The following KIAA1958 variants were observed in gnomAD, a reference collection of about 807,000 sequenced individuals.
KIAA1958 encodes the protein KIAA1958.
In KIAA1958, 14 loss-of-function variants were observed where a neutral mutation model predicts 47.2. That is an observed-to-expected ratio of 0.30 (90% CI 0.20 to 0.46). The LOEUF is 0.46. Among genes scored for constraint, KIAA1958 ranks in the 20% least tolerant of loss-of-function variants. The pLI, the probability that KIAA1958 is intolerant of heterozygous loss-of-function variation, is 1.00. For missense variants in KIAA1958, 803 were observed against 909.2 expected, an observed-to-expected ratio of 0.88 and a Z score of 1.50; for synonymous variants, 354 against 353.3, an observed-to-expected ratio of 1.00 and a Z score of -0.02.
intron 3 of KIAA1958, among the ~76,000 whole-genome samples, chr9:112,655,453 C>T (rs1419265712): frequency 6.6e-6 from 1 of 152,154 alleles, no homozygotes; most frequent in Non-Finnish European, 1.5e-5. Flanking sequence ...TTTTTACGTT[C>T]TACAATAATC....
chr9:112,645,515 CA>C, intron 2 of KIAA1958, 134 bp from the exon 3 acceptor site: 1 of 603,586 alleles, frequency 1.7e-6, no homozygotes, highest in South Asian at 2.1e-5. Context: ...TATAGATATA[CA>C]TATACTTTAA....
At chr9:112,591,283 A>G (rs1384400859) in intron 2 of KIAA1958, among the ~76,000 whole-genome samples, 1 of 151,812 alleles carries the variant, frequency 6.6e-6, no homozygotes, top group Non-Finnish European at 1.5e-5. Context: ...ACGGAGTTTC[A>G]CTGTATTAGC....
intron 3 of KIAA1958, among the ~76,000 whole-genome samples, chr9:112,646,377 T>C (rs1259819240): frequency 6.6e-6 from 1 of 152,160 alleles, no homozygotes; most frequent in Non-Finnish European, 1.5e-5. Flanking sequence ...AAAGGGACTA[T>C]TGTAGTAGGG....
rs750967433 is a variant in KIAA1958, at chr9:112,537,063, T to TCCTCC, written c.-24-36974_-24-36970dup. ...AAGACACAAAGTGGGACAAGGTATT[T>TCCTCC]CCTCCCCTCCCCTCCCCTCCCCTCT... On this transcript the variant is annotated intron_variant, in intron 1 of 3. Transcript: ENST00000337530. Among the ~76,000 whole-genome samples the TCCTCC allele has an allele frequency of 4.2e-3, 633 of 151,384 alleles. 3 individuals are homozygous for TCCTCC. Among genetic ancestry groups the TCCTCC allele is most frequent in the African/African-American group, 0.014 (583 of 41,168 alleles).
chr9:112,654,007 G>C (rs894481409), intron 3 of KIAA1958, among the ~76,000 whole-genome samples: 1 of 152,154 alleles, frequency 6.6e-6, no homozygotes, highest in Non-Finnish European at 1.5e-5. Flanking sequence ...AATAAGTCAC[G>C]TGGCTAGCCC....
At chr9:112,605,701 C>T (rs1172591248) in intron 2 of KIAA1958, among the ~76,000 whole-genome samples, 1 of 152,194 alleles carries the variant, frequency 6.6e-6, no homozygotes, top group African/African-American at 2.4e-5. Flanking sequence ...ACTCCAGGCA[C>T]AGTGATACTC....
intron 1 of KIAA1958, among the ~76,000 whole-genome samples, chr9:112,563,973 A>G (rs926758990): frequency 4.6e-5 from 7 of 152,106 alleles, no homozygotes; most frequent in South Asian, 2.1e-4. Context: ...TTCTGCATCT[A>G]TTGAAATAAT....
At chr9:112,525,984 C>CTTCTTCTTCTTCTTCTT (rs1564159532) in intron 1 of KIAA1958, among the ~76,000 whole-genome samples, 1 of 1,734 alleles carries the variant, frequency 5.8e-4, no homozygotes, top group Non-Finnish European at 9.3e-4. Flanking sequence ...TCTTCTTCTT[C>CTTCTTCTTCTTCTTCTT]TTCTTCTTCT....
chr9:112,496,075 G>A (rs944859813), intron 1 of KIAA1958, among the ~76,000 whole-genome samples: 5 of 152,172 alleles, frequency 3.3e-5, no homozygotes, highest in African/African-American at 1.2e-4. Flanking sequence ...GGTAAAGCCA[G>A]AGGAGGAACT....
At chr9:112,657,613 T>C (rs146463486) in intron 3 of KIAA1958, among the ~76,000 whole-genome samples, 86 of 152,320 alleles carry the variant, frequency 5.6e-4, no homozygotes, top group African/African-American at 1.9e-3. Context: ...AATTAAGGGC[T>C]ATTAGAAGAA....
chr9:112,565,899 ATTATTTAT>A (rs890584393), intron 1 of KIAA1958, among the ~76,000 whole-genome samples: 2 of 151,994 alleles, frequency 1.3e-5, no homozygotes, highest in African/African-American at 4.8e-5. Context: ...CTACCTTTTG[ATTATTTAT>A]TTATTTATTT....
intron 1 of KIAA1958, among the ~76,000 whole-genome samples, chr9:112,532,461 C>T (rs912352438): frequency 1.3e-5 from 2 of 152,088 alleles, no homozygotes; most frequent in African/African-American, 4.8e-5. Context: ...TGGCCAGTGC[C>T]CTGCCTCTTT....
At chr9:112,492,857 C>T (rs1220493644) in intron 1 of KIAA1958, among the ~76,000 whole-genome samples, 2 of 151,660 alleles carry the variant, frequency 1.3e-5, no homozygotes, top group African/African-American at 4.9e-5. Flanking sequence ...TCAAGCAGTC[C>T]TCTCACCTCA....
At position 112,511,751 on chromosome 9, in the gene KIAA1958, A is replaced by T. The variant is rs192250089; in HGVS notation, c.-25+24633A>T. ...AGCTGGTTCTTTGAGAAGCTTAATT[A>T]AAAAAATTTTAAAAATAGAAATATC... On this transcript the variant is annotated intron_variant, in intron 1 of 3. Transcript: ENST00000337530. Among the ~76,000 whole-genome samples the T allele has an allele frequency of 7.2e-5, 11 of 152,330 alleles. No individual in the cohort carries two copies. The East Asian group carries it at 1.3e-3, about 19-fold the overall frequency.
chr9:112,560,385 A>T (rs1211535779), intron 1 of KIAA1958, among the ~76,000 whole-genome samples: 2 of 151,684 alleles, frequency 1.3e-5, no homozygotes, highest in Non-Finnish European at 2.9e-5. Context: ...AATGTTTTAT[A>T]GAGAAAGGGT....
At chr9:112,583,684 C>T (rs1249647311) in intron 2 of KIAA1958, among the ~76,000 whole-genome samples, 1 of 152,038 alleles carries the variant, frequency 6.6e-6, no homozygotes, top group Non-Finnish European at 1.5e-5. Context: ...GACAAAGTTG[C>T]AGAATATTAT....
At chr9:112,649,483 A>C (rs1837025851) in intron 3 of KIAA1958, among the ~76,000 whole-genome samples, 1 of 152,172 alleles carries the variant, frequency 6.6e-6, no homozygotes, top group Admixed American at 6.5e-5. Flanking sequence ...AATAATCAGA[A>C]CATTACTGAC....
chr9:112,589,603 A>G (rs1238724862), intron 2 of KIAA1958, among the ~76,000 whole-genome samples: 1 of 152,264 alleles, frequency 6.6e-6, no homozygotes, highest in African/African-American at 2.4e-5. Flanking sequence ...AATGCAGGAC[A>G]GAAATCTGGT....
chr9:112,566,948 G>A (rs1359187474), intron 1 of KIAA1958, among the ~76,000 whole-genome samples: 1 of 152,004 alleles, frequency 6.6e-6, no homozygotes, highest in Admixed American at 6.6e-5. Context: ...TGATTATTTC[G>A]ATGATTAATA....
Sources: gnomAD v4.1 joint callset for allele counts (sites outside exome capture counted in the v4.1 genomes callset) on GRCh38, gnomAD v4.1.1 for gene constraint, MANE v1.5 for transcripts, NCBI Gene and HGNC (gene_info 2026-07-23, HGNC 2026-07-21) for gene names.